The following TIMMDC1 variants were observed in gnomAD, a reference collection of about 807,000 sequenced individuals.
TIMMDC1 encodes complex I assembly factor TIMMDC1, mitochondrial.
Under a neutral mutation model 32.6 loss-of-function variants are expected in TIMMDC1, and 25 were observed. The ratio of observed to expected loss-of-function variants is 0.77; its 90% CI spans 0.56 to 1.07. TIMMDC1 has a LOEUF of 1.07. TIMMDC1 is among the 50% of genes least tolerant of loss of function. The pLI, the probability that TIMMDC1 is intolerant of heterozygous loss-of-function variation, is 0.00. For missense variants in TIMMDC1, 329 were observed against 349.2 expected (o/e 0.94, Z 0.46); for synonymous variants, 130 against 127.6 (o/e 1.02, Z -0.13).
chr3:119,503,507 C>T, intron 2 of TIMMDC1, 25 bp from the exon 3 acceptor site: 1 of 1,565,496 alleles, frequency 6.4e-7, no homozygotes, highest in Non-Finnish European at 8.7e-7. Flanking sequence ...GTCTTAGAAC[C>T]TCACAGTTTT....
chr3:119,509,722 G>A (rs1414630723), intron 4 of TIMMDC1, among the ~76,000 whole-genome samples: 1 of 142,052 alleles, frequency 7.0e-6, no homozygotes, highest in African/African-American at 2.6e-5. Flanking sequence ...ATCTTGCTCT[G>A]TCGCTCAGGC....
At chr3:119,508,800 C>G (rs1387711446) in intron 4 of TIMMDC1, among the ~76,000 whole-genome samples, 1 of 152,190 alleles carries the variant, frequency 6.6e-6, no homozygotes, top group Non-Finnish European at 1.5e-5. Context: ...CTCTTAGTAC[C>G]TCTTGGTACT....
chr3:119,511,856 A>C (rs1339408116), intron 4 of TIMMDC1, among the ~76,000 whole-genome samples: 1 of 152,234 alleles, frequency 6.6e-6, no homozygotes, highest in Non-Finnish European at 1.5e-5. Context: ...CTTAAAAATT[A>C]CATACCACTT....
chr3:119,523,146 A>T (rs538020470), intron 6 of TIMMDC1, among the ~76,000 whole-genome samples: 50 of 152,222 alleles, frequency 3.3e-4, no homozygotes, highest in African/African-American at 1.1e-3. Flanking sequence ...GTTTTGTTCT[A>T]TCTGACTTTT....
chr3:119,515,584 A>T (rs2081980858), intron 5 of TIMMDC1, among the ~76,000 whole-genome samples: 1 of 152,236 alleles, frequency 6.6e-6, no homozygotes, highest in Admixed American at 6.5e-5. Flanking sequence ...CAGTTGAGGG[A>T]TTAGGCAGGA....
At chr3:119,515,974 T>A (rs1316827821) in intron 5 of TIMMDC1, among the ~76,000 whole-genome samples, 2 of 152,218 alleles carry the variant, frequency 1.3e-5, no homozygotes, top group Non-Finnish European at 2.9e-5. Context: ...TTTTAAAAAT[T>A]TGAATTAAAT....
chr3:119,503,436 C>G (rs1472309957), intron 2 of TIMMDC1, 96 bp from the exon 3 acceptor site: 1 of 826,446 alleles, frequency 1.2e-6, no homozygotes, highest in Non-Finnish European at 1.9e-6. Context: ...TTGGGTGTAC[C>G]TGACTAATCC....
At chr3:119,518,938 C>A (rs1333577326) in intron 6 of TIMMDC1, among the ~76,000 whole-genome samples, 1 of 152,202 alleles carries the variant, frequency 6.6e-6, no homozygotes, top group Non-Finnish European at 1.5e-5. Context: ...TTATACCTAG[C>A]AAAGCTATTT....
rs142295271 is a variant in TIMMDC1, at chr3:119,516,237, A to G, written c.597-968A>G. Among the ~76,000 whole-genome samples, 529 of 152,302 alleles carry G rather than the reference A, an allele frequency of 3.5e-3. 4 individuals are homozygous for G. Among genetic ancestry groups the G allele is most frequent in the South Asian group, 0.027 (131 of 4,826 alleles). Reference sequence around the variant, plus strand: ...GAGAAATGAAACTATATGCATTAAAAACTAATTTCCCCTCCCCATACCCTC... The same window carrying G: ...GAGAAATGAAACTATATGCATTAAAGACTAATTTCCCCTCCCCATACCCTC... On this transcript the variant is annotated intron_variant, in intron 5 of 6. Coordinates refer to ENST00000494664, the MANE Select transcript of TIMMDC1 (RefSeq NM_016589.4).
At chr3:119,499,088 CTTTCTTT>C in intron 1 of TIMMDC1, 161 bp downstream of exon 1, 4 of 492,814 alleles carry the variant, frequency 8.1e-6, no homozygotes, top group African/African-American at 6.6e-5. Context: ...TATCTTTTTT[CTTTCTTT>C]TTTTTTTTTT....
intron 6 of TIMMDC1, among the ~76,000 whole-genome samples, chr3:119,517,753 A>G (rs185043745): frequency 2.7e-4 from 41 of 152,254 alleles, no homozygotes; most frequent in Middle Eastern, 3.4e-3. Flanking sequence ...GGATCACCTG[A>G]GGTCAGGAGT....
At chr3:119,499,122 C>G (rs1577093892) in intron 1 of TIMMDC1, among the ~76,000 whole-genome samples, 195 bp downstream of exon 1, 1 of 132,766 alleles carries the variant, frequency 7.5e-6, no homozygotes, top group East Asian at 2.2e-4. Flanking sequence ...CAGACAGGGT[C>G]TTGCTCTGTC....
Position 119,523,926 on chromosome 3 carries a change from G to T in TIMMDC1, c.*170G>T. On this transcript the variant is annotated 3_prime_UTR_variant, in exon 7 of 7. Transcript: ENST00000494664. ...TTCTTTTCTTTTTAACTAAGAATGG[G>T]GCTGTTGTACTCTCACTTTACTTAT... The T allele has an allele frequency of 3.8e-6, 2 of 530,870 alleles. No individual in the cohort carries two copies. Among genetic ancestry groups the T allele is most frequent in the Non-Finnish European group, 3.2e-6 (1 of 314,116 alleles). 32.9% of individuals were successfully genotyped at this position (530,870 alleles called of 1,614,324 possible).
At chr3:119,504,107 T>C in intron 4 of TIMMDC1, 86 bp downstream of exon 4, 1 of 1,036,454 alleles carries the variant, frequency 9.6e-7, no homozygotes, top group Non-Finnish European at 1.5e-6. Context: ...ACTACTGAAT[T>C]CTTTGGTTGG....
chr3:119,518,573 A>G (rs1303139971), intron 6 of TIMMDC1, among the ~76,000 whole-genome samples: 1 of 152,172 alleles, frequency 6.6e-6, no homozygotes, highest in Non-Finnish European at 1.5e-5. Flanking sequence ...AAAAAATTAA[A>G]AAAGTAAATG....
intron 2 of TIMMDC1, among the ~76,000 whole-genome samples, chr3:119,501,814 T>C (rs1191476993): frequency 6.6e-6 from 1 of 152,214 alleles, no homozygotes; most frequent in East Asian, 1.9e-4. Context: ...TTCTCTGTTT[T>C]TGTCTTTCAT....
intron 4 of TIMMDC1, 38 bp downstream of exon 4, chr3:119,504,059 A>G: frequency 1.3e-6 from 2 of 1,497,066 alleles, no homozygotes; most frequent in Non-Finnish European, 1.9e-6. Flanking sequence ...GTCTTCTCAA[A>G]TACAGTTTAG....
intron 4 of TIMMDC1, among the ~76,000 whole-genome samples, chr3:119,510,181 A>G (rs1395103386): frequency 6.6e-6 from 1 of 152,218 alleles, no homozygotes; most frequent in African/African-American, 2.4e-5. Flanking sequence ...TATTGCTATC[A>G]GTAAAGTGTA....
chr3:119,517,223 G>A lies in TIMMDC1; in HGVS notation c.615G>A (p.Leu205=), dbSNP rs371825848. ...GALLGTPVGG[L]LMAFQKYSGE... ...TTCTCAGCACTCCTGTAGGAGGCCT[G>A]CTGATGGCATTTCAGAAGTACTCTG... is the stretch of plus-strand genomic sequence containing the variant. Residue 205 remains leucine, a synonymous_variant, in exon 6 of 7, where the codon CTG becomes CTA. Coordinates refer to ENST00000494664, the MANE Select transcript of TIMMDC1 (RefSeq NM_016589.4). 2.0e-5 allele frequency: 32 copies of A among 1,613,198 alleles called. No individual in the cohort carries two copies. The African/African-American group carries it at 3.7e-4, about 19-fold the overall frequency.
Sources: allele counts gnomAD v4.1 joint callset (sites outside exome capture counted in the v4.1 genomes callset), GRCh38; gene constraint gnomAD v4.1.1; transcripts MANE v1.5; gene names NCBI Gene and HGNC (gene_info 2026-07-23, HGNC 2026-07-21).